The following PTPRD variants were observed in gnomAD, a reference collection of about 807,000 sequenced individuals.
PTPRD encodes the protein receptor-type tyrosine-protein phosphatase delta.
In PTPRD, 34 loss-of-function variants were observed where a neutral mutation model predicts 214.5. That is an observed-to-expected ratio of 0.16 (90% confidence interval 0.12 to 0.21). The LOEUF (loss-of-function observed/expected upper bound fraction) is 0.21, where lower values mean the gene tolerates loss of function less well. Among genes scored for constraint, PTPRD ranks in the 10% least tolerant of loss-of-function variants. PTPRD has a pLI of 1.00. For missense variants in PTPRD, 2,545 were observed against 2,398.7 expected (o/e 1.06, Z -1.27); for synonymous variants, 1,128 against 845.7 (o/e 1.33, Z -5.79).
chr9:8,831,580 A>G (rs2097292983), intron 11 of PTPRD, among the ~76,000 whole-genome samples: 1 of 152,204 alleles, frequency 6.6e-6, no homozygotes. Context: ...GGTGAGCAAT[A>G]TTAAAGCTTG....
intron 3 of PTPRD, among the ~76,000 whole-genome samples, chr9:10,260,986 A>ATGTG (rs1284694185): frequency 1.5e-4 from 22 of 148,016 alleles, no homozygotes; most frequent in African/African-American, 4.0e-4. Flanking sequence ...GTGTATATAT[A>ATGTG]TGTATATATA....
chr9:9,480,678 C>A (rs1405688259), intron 8 of PTPRD, among the ~76,000 whole-genome samples: 1 of 151,768 alleles, frequency 6.6e-6, no homozygotes, highest in African/African-American at 2.4e-5. Context: ...AAAATATATA[C>A]CATATATTTT....
In PTPRD at chr9:10,190,398, AAAAAAAAAAAAAAAAAAAAAAAC is replaced by A. The variant is rs1422630776; in HGVS notation, c.-545+150542_-545+150564del. 2.4e-3 allele frequency among the ~76,000 whole-genome samples: 102 copies of A among 41,720 alleles called. 1 individual carries two copies. Among genetic ancestry groups the A allele is most frequent in the African/African-American group, 0.023 (97 of 4,220 alleles). The allele number at this position is 41,720 out of a possible 152,430, so 27.4% of individuals were successfully genotyped here. A position where few individuals can be genotyped will look rare whatever the true frequency, so the allele number is the denominator to read the frequency against. On this transcript the variant is annotated intron_variant, in intron 3 of 45. Coordinates refer to ENST00000381196, the MANE Select transcript of PTPRD (RefSeq NM_002839.4). ...GACTCTATCTCCAGAAAAAAAAAAA[AAAAAAAAAAAAAAAAAAAAAAAC>A]AAAAAGTCAAAGTGGGCCAGGCGCT... is the stretch of plus-strand genomic sequence containing the variant.
intron 3 of PTPRD, among the ~76,000 whole-genome samples, chr9:10,277,959 C>A (rs1316347727): frequency 6.6e-6 from 1 of 151,842 alleles, no homozygotes. Flanking sequence ...GAGATCGAGA[C>A]CATCGTGGCT....
chr9:8,557,715 C>A (rs2084442711), intron 14 of PTPRD, among the ~76,000 whole-genome samples: 1 of 141,212 alleles, frequency 7.1e-6, no homozygotes, highest in African/African-American at 2.6e-5. Flanking sequence ...TGCATTCCAG[C>A]CTGGGTGACA....
At chr9:8,391,393 C>T (rs1199986662) in intron 36 of PTPRD, among the ~76,000 whole-genome samples, 2 of 152,150 alleles carry the variant, frequency 1.3e-5, no homozygotes, top group Admixed American at 1.3e-4. Flanking sequence ...CATTATTCAT[C>T]TATTACAGCT....
intron 2 of PTPRD, among the ~76,000 whole-genome samples, chr9:10,464,550 T>TTG (rs1048813446): frequency 2.0e-5 from 3 of 151,846 alleles, no homozygotes; most frequent in African/African-American, 7.2e-5. Context: ...TACAGCTACT[T>TTG]TGTGTGTGTG....
chr9:10,158,803 G>A (rs2099109706), intron 3 of PTPRD, among the ~76,000 whole-genome samples: 1 of 152,108 alleles, frequency 6.6e-6, no homozygotes, highest in South Asian at 2.1e-4. Flanking sequence ...AGTACCTCAG[G>A]TCCACTGGCA....
In PTPRD at chr9:8,481,777, CTGTTT is replaced by C. The variant is rs113860606; in HGVS notation, c.3413+2337_3413+2341del. 4.6e-5 allele frequency among the ~76,000 whole-genome samples: 7 copies of C among 151,386 alleles called. No homozygotes were observed. The East Asian group carries it at 7.8e-4, about 17-fold the overall frequency. ...CAACTCCTAAATGCATATCTATAAT[CTGTTT>C]TGTTTTGTTTTGTTTTTTGAGACGG... On this transcript the variant is annotated intron_variant, in intron 30 of 45. Coordinates refer to ENST00000381196, the MANE Select transcript of PTPRD (RefSeq NM_002839.4).
intron 5 of PTPRD, among the ~76,000 whole-genome samples, chr9:9,824,537 A>T (rs778927460): frequency 1.3e-5 from 2 of 152,018 alleles, no homozygotes; most frequent in African/African-American, 4.8e-5. Context: ...TAACTGTAAA[A>T]ATTAATACAG....
At chr9:10,367,988 C>G (rs538689268) in intron 2 of PTPRD, among the ~76,000 whole-genome samples, 1 of 152,018 alleles carries the variant, frequency 6.6e-6, no homozygotes, top group African/African-American at 2.4e-5. Context: ...TTATTAATTA[C>G]TATCATTTTT....
At chr9:9,787,903 T>A (rs1465069317) in intron 5 of PTPRD, among the ~76,000 whole-genome samples, 1 of 151,978 alleles carries the variant, frequency 6.6e-6, no homozygotes, top group Non-Finnish European at 1.5e-5. Flanking sequence ...TGCCTTAGCC[T>A]CCTAAGTAGC....
At chr9:9,759,286 T>C (rs553498844) in intron 6 of PTPRD, among the ~76,000 whole-genome samples, 8 of 152,234 alleles carry the variant, frequency 5.3e-5, no homozygotes, top group East Asian at 1.9e-4. Context: ...TAAACTACTA[T>C]GTACCATTGG....
At chr9:10,491,173 G>A (rs927216222) in intron 2 of PTPRD, among the ~76,000 whole-genome samples, 3 of 152,110 alleles carry the variant, frequency 2.0e-5, no homozygotes, top group Admixed American at 6.6e-5. Flanking sequence ...ACATGAATAT[G>A]AGTAATCACA....
intron 2 of PTPRD, among the ~76,000 whole-genome samples, chr9:10,515,751 T>C (rs60037109): frequency 5.6e-4 from 85 of 151,954 alleles, no homozygotes; most frequent in Admixed American, 1.2e-3. Context: ...CTATTTCTCT[T>C]TCACTCAGAC....
intron 8 of PTPRD, among the ~76,000 whole-genome samples, chr9:9,503,058 CA>C (rs1360712982): frequency 6.6e-6 from 1 of 151,732 alleles, no homozygotes; most frequent in Non-Finnish European, 1.5e-5. Flanking sequence ...CTGTGTATTT[CA>C]CTGAAATTTT....
chr9:8,978,548 C>T (rs766636118), intron 11 of PTPRD, among the ~76,000 whole-genome samples: 11 of 152,108 alleles, frequency 7.2e-5, no homozygotes, highest in Non-Finnish European at 1.6e-4. Flanking sequence ...TCAGACCTAT[C>T]AGAGTTAGCT....
At chr9:9,701,309 A>G (rs1454360829) in intron 7 of PTPRD, among the ~76,000 whole-genome samples, 4 of 152,194 alleles carry the variant, frequency 2.6e-5, no homozygotes, top group African/African-American at 9.6e-5. Flanking sequence ...AAAAACTTCA[A>G]ACTAATTAAG....
At chr9:8,874,275 T>A (rs10815980) in intron 11 of PTPRD, among the ~76,000 whole-genome samples, 40,064 of 152,084 alleles carry the variant, frequency 0.26, 6,255 homozygotes, top group Non-Finnish European at 0.35. Context: ...AACTCAGATT[T>A]TATTTTTCTT....
Sources: allele counts gnomAD v4.1 joint callset (sites outside exome capture counted in the v4.1 genomes callset), GRCh38; gene constraint gnomAD v4.1.1; transcripts MANE v1.5; gene names NCBI Gene and HGNC (gene_info 2026-07-23, HGNC 2026-07-21).